The following COL21A1 variants were observed in gnomAD, a reference collection of about 807,000 sequenced individuals.
COL21A1 encodes collagen type XXI alpha 1 chain.
Under a neutral mutation model 137.9 loss-of-function variants are expected in COL21A1, and 149 were observed. The observed-to-expected ratio is 1.08, with a 90% CI of 0.95 to 1.24. The LOEUF (loss-of-function observed/expected upper bound fraction) is 1.24. Ranked by LOEUF, COL21A1 falls within the 50% of genes most tolerant of loss-of-function variation. The probability of loss-of-function intolerance (pLI) is 0.00; values close to 1 mark genes in which losing one functional copy is unlikely to be tolerated. For missense variants in COL21A1, 1,167 were observed against 1,158.4 expected (o/e 1.01, Z -0.11); for synonymous variants, 456 against 391.5 (o/e 1.16, Z -1.95).
intron 1 of COL21A1, among the ~76,000 whole-genome samples, chr6:56,194,033 A>G (rs1778869418): frequency 2.6e-5 from 4 of 152,194 alleles, no homozygotes; most frequent in Non-Finnish European, 5.9e-5. Context: ...CACCATGGCC[A>G]GCTGAGAGGC....
At chr6:56,078,384 G>C (rs189784387) in intron 17 of COL21A1, among the ~76,000 whole-genome samples, 1 of 151,496 alleles carries the variant, frequency 6.6e-6, no homozygotes, top group Admixed American at 6.6e-5. Context: ...CTATTTTGGT[G>C]ACATTTGAGC....
chr6:56,140,619 T>C (rs1004311925), intron 12 of COL21A1, among the ~76,000 whole-genome samples: 2 of 152,148 alleles, frequency 1.3e-5, no homozygotes, highest in African/African-American at 4.8e-5. Flanking sequence ...AGTAACCATG[T>C]TATAAAGGAA....
chr6:56,328,396 T>C (rs940732891), intron 1 of COL21A1, among the ~76,000 whole-genome samples: 1 of 152,152 alleles, frequency 6.6e-6, no homozygotes, highest in Non-Finnish European at 1.5e-5. Flanking sequence ...TGCCATTGGT[T>C]GTAAGACATA....
At chr6:56,216,544 CA>C (rs1318937164) in intron 1 of COL21A1, among the ~76,000 whole-genome samples, 1 of 151,968 alleles carries the variant, frequency 6.6e-6, no homozygotes, top group South Asian at 2.1e-4. Flanking sequence ...CTCTGTTAAC[CA>C]AATAATTCCC....
chr6:56,287,247 T>C (rs558269138), intron 1 of COL21A1, among the ~76,000 whole-genome samples: 12 of 152,322 alleles, frequency 7.9e-5, no homozygotes, highest in East Asian at 1.9e-4. Flanking sequence ...CTCTTTTACA[T>C]TGTGGCCCTG....
At chr6:56,309,074 T>C (rs1217608773) in intron 1 of COL21A1, among the ~76,000 whole-genome samples, 1 of 151,578 alleles carries the variant, frequency 6.6e-6, no homozygotes, top group Non-Finnish European at 1.5e-5. Context: ...GAGACAGCCT[T>C]GATCTGTCGC....
intron 10 of COL21A1, among the ~76,000 whole-genome samples, chr6:56,148,043 C>T (rs1774978425): frequency 6.6e-6 from 1 of 152,086 alleles, no homozygotes; most frequent in Non-Finnish European, 1.5e-5. Flanking sequence ...ATTCCAGTTC[C>T]TGCATGCCTC....
chr6:56,239,812 G>A (rs961136838), intron 1 of COL21A1, among the ~76,000 whole-genome samples: 1 of 152,102 alleles, frequency 6.6e-6, no homozygotes, highest in African/African-American at 2.4e-5. Context: ...TAAGCGGTGA[G>A]GCCTTTAGGA....
Position 56,060,804 on chromosome 6 carries a change from A to G in COL21A1, c.2353-9T>C, listed in dbSNP as rs1302582717. 3.1e-6 allele frequency: 5 copies of G among 1,607,620 alleles called. No individual in the cohort carries two copies. Among genetic ancestry groups the G allele is most frequent in the Non-Finnish European group, 4.2e-6 (5 of 1,178,192 alleles). ...TCTGAAAACTCTCTTCCCTGCATCA[A>G]AGTGTTAGGGGTTATAACATGCACA... On this transcript the variant is annotated splice_polypyrimidine_tract_variant and intron_variant, in intron 26 of 29. Coordinates refer to ENST00000244728, the MANE Select transcript of COL21A1 (RefSeq NM_030820.4).
chr6:56,103,514 C>T (rs1770625867), intron 16 of COL21A1, among the ~76,000 whole-genome samples: 1 of 152,138 alleles, frequency 6.6e-6, no homozygotes, highest in African/African-American at 2.4e-5. Context: ...TAGATGACTA[C>T]TTTGATTTAT....
At chr6:56,183,461 A>G (rs988060517) in intron 1 of COL21A1, among the ~76,000 whole-genome samples, 3 of 152,230 alleles carry the variant, frequency 2.0e-5, no homozygotes, top group Non-Finnish European at 4.4e-5. Context: ...CTGGTGTAAC[A>G]GATTGGAAAT....
At chr6:56,104,809 G>C (rs999584198) in intron 16 of COL21A1, among the ~76,000 whole-genome samples, 2 of 152,130 alleles carry the variant, frequency 1.3e-5, no homozygotes, top group Non-Finnish European at 2.9e-5. Flanking sequence ...TGTGAAACTT[G>C]CATTCCATGT....
At chr6:56,290,718 T>C (rs1353605622) in intron 1 of COL21A1, among the ~76,000 whole-genome samples, 1 of 152,110 alleles carries the variant, frequency 6.6e-6, no homozygotes, top group Admixed American at 6.5e-5. Context: ...GCCAGGATGG[T>C]CTTGATCTAT....
chr6:56,332,118 T>C (rs1423783002), intron 1 of COL21A1: 3 of 152,136 alleles, frequency 2.0e-5, no homozygotes, highest in Non-Finnish European at 4.4e-5. Flanking sequence ...GCTGTAGGTA[T>C]TAATTTAGAA....
rs1212170211 is a variant in COL21A1 at position 56,124,306 on chromosome 6, A to C, written c.1651-14T>G. On this transcript the variant is annotated splice_polypyrimidine_tract_variant and intron_variant, in intron 14 of 29. Transcript: ENST00000244728. The stretch of plus-strand genomic sequence containing the variant: ...ACCTTTTGCACCCTGTATCGAAAAC[A>C]AACACTTAAAACACAATCTTTACAA... The C allele has an allele frequency of 1.3e-6, 2 of 1,586,968 alleles. No individual in the cohort carries two copies. The highest frequency in any genetic ancestry group is 2.3e-5 in the South Asian group (2 of 86,516).
At chr6:56,336,825 T>G (rs1167628929) in intron 1 of COL21A1, among the ~76,000 whole-genome samples, 1 of 152,200 alleles carries the variant, frequency 6.6e-6, no homozygotes, top group African/African-American at 2.4e-5. Context: ...GTCAGTGCAG[T>G]GGGAAAAAGA....
Position 56,127,351 on chromosome 6 carries a change from A to G in COL21A1, c.1543-1202T>C, listed in dbSNP as rs188772986. Among the ~76,000 whole-genome samples, 17 of 152,304 alleles carry G rather than the reference A, an allele frequency of 1.1e-4. 1 individual carries two copies. The highest frequency in any genetic ancestry group is 1.1e-3 in the Admixed American group (17 of 15,294). ...GGCCATTTTAATCGTTTAGTTTCCTATAAACTGATTGTTATATTGAACTCC... is the reference window on the plus strand; with the variant it reads ...GGCCATTTTAATCGTTTAGTTTCCTGTAAACTGATTGTTATATTGAACTCC... On this transcript the variant is annotated intron_variant, in intron 12 of 29. Coordinates refer to ENST00000244728, the MANE Select transcript of COL21A1 (RefSeq NM_030820.4).
chr6:56,202,551 T>C (rs183245661), intron 1 of COL21A1, among the ~76,000 whole-genome samples: 30 of 152,310 alleles, frequency 2.0e-4, no homozygotes, highest in Admixed American at 1.6e-3. Context: ...ATCATCCTCT[T>C]ATTTGACCCC....
chr6:56,178,633 T>C (rs774699990), intron 3 of COL21A1, among the ~76,000 whole-genome samples: 8 of 152,048 alleles, frequency 5.3e-5, no homozygotes, highest in Non-Finnish European at 8.8e-5. Flanking sequence ...TAAATGCCTA[T>C]AATATTAAAA....
Sources: gnomAD v4.1 joint callset for allele counts (sites outside exome capture counted in the v4.1 genomes callset) on GRCh38, gnomAD v4.1.1 for gene constraint, MANE v1.5 for transcripts, NCBI Gene and HGNC (gene_info 2026-07-23, HGNC 2026-07-21) for gene names.